MAP3K20: variants seen among roughly 807,000 people sequenced by gnomAD.
MAP3K20 encodes mitogen-activated protein kinase kinase kinase 20.
Under a neutral mutation model 85.7 loss-of-function variants are expected in MAP3K20, and 40 were observed. That is an observed-to-expected ratio of 0.47 (90% confidence interval 0.36 to 0.61). The LOEUF (loss-of-function observed/expected upper bound fraction) is 0.61. Ranked by LOEUF, MAP3K20 falls within the 20% of genes least tolerant of loss-of-function variation. MAP3K20 has a pLI of 0.00. For missense variants in MAP3K20, 817 were observed against 961.7 expected (o/e 0.85, Z 1.99); for synonymous variants, 325 against 327.7 (o/e 0.99, Z 0.09).
At chr2:173,193,932 C>G (rs771768638) in intron 7 of MAP3K20, among the ~76,000 whole-genome samples, 1 of 152,168 alleles carries the variant, frequency 6.6e-6, no homozygotes, top group Non-Finnish European at 1.5e-5. Flanking sequence ...GAAACAAACT[C>G]GACCACCAGC....
chr2:173,179,091 T>G (rs1690249200), intron 3 of MAP3K20, among the ~76,000 whole-genome samples: 1 of 152,076 alleles, frequency 6.6e-6, no homozygotes, highest in Non-Finnish European at 1.5e-5. Flanking sequence ...CAGACAACAC[T>G]CACTGACAAT....
intron 2 of MAP3K20, among the ~76,000 whole-genome samples, chr2:173,165,109 A>G (rs1689776611): frequency 1.3e-5 from 2 of 152,040 alleles, no homozygotes; most frequent in South Asian, 4.1e-4. Flanking sequence ...TTTATATCTC[A>G]GATTGGGGCC....
intron 11 of MAP3K20, chr2:173,222,217 AAAAG>A: frequency 1.0e-6 from 1 of 985,440 alleles, no homozygotes; most frequent in Non-Finnish European, 1.2e-6. Context: ...AAAAACAAAA[AAAAG>A]AAAGAATTGA....
intron 2 of MAP3K20, among the ~76,000 whole-genome samples, chr2:173,117,692 C>T (rs781555195): frequency 7.9e-5 from 12 of 152,140 alleles, no homozygotes; most frequent in Non-Finnish European, 1.2e-4. Flanking sequence ...TGAGGATACT[C>T]TGAAGGAGTA....
rs1401535110 is a variant in MAP3K20 at position 173,119,715 on chromosome 2, A to G, written c.159+28525A>G. Among the ~76,000 whole-genome samples the G allele has an allele frequency of 2.6e-5, 4 of 152,242 alleles. No individual in the cohort carries two copies. In the East Asian group the frequency reaches 7.7e-4, roughly 29 times the overall value. On this transcript the variant is annotated intron_variant, in intron 2 of 19. Coordinates refer to ENST00000375213, the MANE Select transcript of MAP3K20 (RefSeq NM_016653.3). ...CTACACACACTTGAACTTCCATGTA[A>G]TAATGAAACAGTTCTATTTTTTCAC...
chr2:173,183,643 A>G (rs1837470), intron 4 of MAP3K20, among the ~76,000 whole-genome samples: 72,489 of 151,434 alleles, frequency 0.48, 20,086 homozygotes, highest in South Asian at 0.67. Flanking sequence ...GGCTTTATTT[A>G]TAACTGTCAG....
intron 8 of MAP3K20, among the ~76,000 whole-genome samples, chr2:173,202,367 T>C (rs1691095732): frequency 6.6e-6 from 1 of 152,188 alleles, no homozygotes; most frequent in Non-Finnish European, 1.5e-5. Context: ...TCAAGGCAAC[T>C]ATGTTTCTAG....
At chr2:173,129,687 C>G (rs1688551838) in intron 2 of MAP3K20, among the ~76,000 whole-genome samples, 1 of 152,154 alleles carries the variant, frequency 6.6e-6, no homozygotes. Flanking sequence ...TTCATAAGTG[C>G]TTTCATTAAG....
In MAP3K20 at chr2:173,222,596, T is replaced by C. The variant is rs1684282104; in HGVS notation, c.987+5346T>C. On this transcript the variant is annotated intron_variant, in intron 11 of 19. Transcript: ENST00000375213. ...AGTGGGGTATGTGTGGTGGTTTGTT[T>C]TTTAGAGGGGCATAATAATCCAGGA... 7 of 985,350 alleles carry C rather than the reference T, an allele frequency of 7.1e-6. No homozygotes were observed. The South Asian group carries it at 2.3e-4, about 33-fold the overall frequency. 61.0% of individuals were successfully genotyped at this position (985,350 alleles called of 1,614,324 possible).
chr2:173,122,731 C>T (rs986579241), intron 2 of MAP3K20, among the ~76,000 whole-genome samples: 1 of 152,146 alleles, frequency 6.6e-6, no homozygotes, highest in Non-Finnish European at 1.5e-5. Context: ...TTCCTAGGGA[C>T]TGCAGGATAA....
intron 4 of MAP3K20, among the ~76,000 whole-genome samples, chr2:173,184,198 T>C (rs1352223374): frequency 2.0e-5 from 3 of 152,224 alleles, no homozygotes; most frequent in Non-Finnish European, 2.9e-5. Flanking sequence ...ACCAGCTCTC[T>C]GTAAGCAAGG....
intron 10 of MAP3K20, chr2:173,211,842 A>C (rs1322086617): frequency 1.3e-5 from 2 of 152,186 alleles, no homozygotes; most frequent in African/African-American, 4.8e-5. Flanking sequence ...TGAACCCGGG[A>C]GGCAGAGGTT....
rs79502287 is a variant in MAP3K20 at position 173,201,543 on chromosome 2, TA to T, written c.670-2245del. 4.9e-4 allele frequency among the ~76,000 whole-genome samples: 74 copies of T among 152,228 alleles called. 1 individual carries two copies. In the South Asian group the frequency reaches 7.9e-3, roughly 16 times the overall value. On this transcript the variant is annotated intron_variant, in intron 8 of 19. Transcript: ENST00000375213. ...TTTAGAAAAAGATAAAAACTTGACTTAAAAAAAATTTTACATCTTATGTAGA... is the reference window on the plus strand; with the variant it reads ...TTTAGAAAAAGATAAAAACTTGACTTAAAAAAATTTTACATCTTATGTAGA...
chr2:173,190,872 T>G, intron 5 of MAP3K20, 23 bp from the exon 6 acceptor site: 1 of 1,572,228 alleles, frequency 6.4e-7, no homozygotes, highest in Non-Finnish European at 8.7e-7. Context: ...ATTGTCATAA[T>G]TTATCCTTTT....
chr2:173,207,720 G>T (rs1183582673), intron 9 of MAP3K20: 3 of 142,514 alleles, frequency 2.1e-5, no homozygotes. Context: ...AATGGTCCCA[G>T]TTTTTTTTTT....
At chr2:173,241,151 A>G (rs985395704) in intron 16 of MAP3K20, among the ~76,000 whole-genome samples, 4 of 152,196 alleles carry the variant, frequency 2.6e-5, no homozygotes, top group African/African-American at 4.8e-5. Flanking sequence ...GACAGAATGA[A>G]TAAGATCTAT....
chr2:173,148,963 G>T (rs562491892), intron 2 of MAP3K20, among the ~76,000 whole-genome samples: 5 of 152,302 alleles, frequency 3.3e-5, no homozygotes, highest in African/African-American at 9.6e-5. Flanking sequence ...ATCTGGTCAA[G>T]GGCTGATTCT....
chr2:173,169,754 C>T, intron 2 of MAP3K20, 51 bp from the exon 3 acceptor site: 2 of 1,549,512 alleles, frequency 1.3e-6, no homozygotes, highest in African/African-American at 1.4e-5. Flanking sequence ...TTTTATTTGA[C>T]TATTATAAAT....
At chr2:173,216,508 G>GTT (rs140318842) in intron 10 of MAP3K20, among the ~76,000 whole-genome samples, 126 of 139,714 alleles carry the variant, frequency 9.0e-4, no homozygotes, top group Middle Eastern at 3.7e-3. Flanking sequence ...GGGTTCTGGT[G>GTT]TGTTTTTTTT....
Sources: gnomAD v4.1 joint callset for allele counts (sites outside exome capture counted in the v4.1 genomes callset) on GRCh38, gnomAD v4.1.1 for gene constraint, MANE v1.5 for transcripts, NCBI Gene and HGNC (gene_info 2026-07-23, HGNC 2026-07-21) for gene names.